Variants in TIMM23 observed in about 807,000 individuals in gnomAD.
TIMM23 encodes the protein mitochondrial import inner membrane translocase subunit Tim23.
In TIMM23, 19 loss-of-function variants were observed where a neutral mutation model predicts 30.7. The observed-to-expected ratio is 0.62, with a 90% CI of 0.43 to 0.91. The LOEUF is 0.91. Among genes scored for constraint, TIMM23 ranks in the 40% least tolerant of loss-of-function variants. The probability of loss-of-function intolerance (pLI) is 0.00; values close to 1 mark genes in which losing one functional copy is unlikely to be tolerated. For synonymous variants in TIMM23, 78 were observed against 98.5 expected, an observed-to-expected ratio of 0.79 and a Z score of 1.23; for missense variants, 202 against 269.2, an observed-to-expected ratio of 0.75 and a Z score of 1.75.
At chr10:45,994,375 T>C (rs1838263964) in intron 6 of TIMM23, among the ~76,000 whole-genome samples, 1 of 146,778 alleles carries the variant, frequency 6.8e-6, no homozygotes, top group Admixed American at 6.9e-5. Flanking sequence ...ATGAATAAAA[T>C]AAATTACTCT....
intron 6 of TIMM23, among the ~76,000 whole-genome samples, chr10:45,995,136 G>C (rs1590128291): frequency 6.6e-6 from 1 of 151,692 alleles, no homozygotes; most frequent in Non-Finnish European, 1.5e-5. Flanking sequence ...TAGAATTAAT[G>C]AGTATTCTTT....
intron 5 of TIMM23, among the ~76,000 whole-genome samples, chr10:45,987,122 G>T (rs1448236707): frequency 1.3e-5 from 2 of 151,780 alleles, no homozygotes; most frequent in African/African-American, 2.4e-5. Flanking sequence ...CTCTTGATGG[G>T]CATTTTATTT....
intron 2 of TIMM23, among the ~76,000 whole-genome samples, chr10:45,980,024 G>A: frequency 6.6e-6 from 1 of 151,192 alleles, no homozygotes; most frequent in Non-Finnish European, 1.5e-5. Context: ...AAAAACTTGT[G>A]AATTCATTCT....
chr10:46,003,264 A>T lies in TIMM23; in HGVS notation c.576A>T (p.Ala192=). 2 of 1,614,168 alleles carry T rather than the reference A, an allele frequency of 1.2e-6. No homozygotes were observed. The highest frequency in any genetic ancestry group is 1.7e-6 in the Non-Finnish European group (2 of 1,180,022). ...GACTAACACTTACCAGCCTCTATGC[A>T]CTATATAATAACTGGGAGCACATGA... ...LTGLTLTSLY[A]LYNNWEHMKG... The change falls in exon 7 of 7, where the codon GCA becomes GCT. Residue 192 remains alanine, a synonymous_variant. Transcript: ENST00000580018.
rs868930960 is a variant in TIMM23, at chr10:46,002,749, T to C, written c.515-454T>C. On this transcript the variant is annotated intron_variant, in intron 6 of 6. Coordinates refer to ENST00000580018, the MANE Select transcript of TIMM23 (RefSeq NM_006327.4). ...CACAAGTGGTATTACTTTAAAAACG[T>C]TGTCTCCTTTTTGAGATGGAATATT... 2.2e-4 allele frequency among the ~76,000 whole-genome samples: 26 copies of C among 118,812 alleles called. No homozygotes were observed. The Middle Eastern group carries it at 0.017, about 77-fold the overall frequency. The allele number at this position is 118,812 out of a possible 152,430, so 77.9% of individuals were successfully genotyped here.
In TIMM23 at chr10:45,972,724, G is replaced by T; in HGVS notation, c.100G>T (p.Val34Phe). The T allele has an allele frequency of 6.2e-7, 1 of 1,613,912 alleles. No individual in the cohort carries two copies. The highest frequency in any genetic ancestry group is 1.3e-5 in the African/African-American group (1 of 75,026). ...TTACTCGCACGCGGATTTGGCTGGC[G>T]TCCCGCGTAAGTATGGGGCCTAGCT... is the stretch of plus-strand genomic sequence containing the variant. Reference protein sequence around the residue: ...AGYSHADLAGVPLTGMNPLSP... With the variant: ...AGYSHADLAGFPLTGMNPLSP... The change falls in exon 1 of 7, where the codon GTC becomes TTC. Residue 34 changes from valine (V) to phenylalanine (F), a missense_variant. Coordinates refer to ENST00000580018, the MANE Select transcript of TIMM23 (RefSeq NM_006327.4).
chr10:45,981,956 A>G (rs1316652586), intron 2 of TIMM23, among the ~76,000 whole-genome samples: 3 of 152,122 alleles, frequency 2.0e-5, no homozygotes, highest in African/African-American at 4.8e-5. Context: ...TTCATGCCAC[A>G]TTTTGTGTAT....
At chr10:46,000,209 A>C (rs1554917438) in intron 6 of TIMM23, among the ~76,000 whole-genome samples, 1 of 152,228 alleles carries the variant, frequency 6.6e-6, no homozygotes, top group Non-Finnish European at 1.5e-5. Flanking sequence ...GGAAATCACA[A>C]GGGTATTGAT....
chr10:45,982,613 A>G lies in TIMM23; in HGVS notation c.256A>G (p.Thr86Ala), dbSNP rs1183441299. 3.1e-6 allele frequency: 5 copies of G among 1,613,936 alleles called. No homozygotes were observed. Among genetic ancestry groups the G allele is most frequent in the Non-Finnish European group, 4.2e-6 (5 of 1,179,858 alleles). ...CTTTACGATTGGAGGATGTTGCATG[A>G]CAGGTGAGTGTTACATACTTTTTTC... The part of the protein sequence containing the change: ...AFFTIGGCCM[T>A]GAAFGAMNGL... The change falls in exon 3 of 7, where the codon ACA (threonine) becomes GCA (alanine). Residue 86 changes from threonine (T) to alanine (A), a missense_variant. Transcript: ENST00000580018.
intron 4 of TIMM23, among the ~76,000 whole-genome samples, chr10:45,983,500 G>A (rs1395268666): frequency 6.6e-6 from 1 of 152,196 alleles, no homozygotes; most frequent in Non-Finnish European, 1.5e-5. Context: ...AAAAGGATCG[G>A]AAAGTATGTT....
At chr10:45,989,917 T>G (rs1343503301) in intron 6 of TIMM23, among the ~76,000 whole-genome samples, 1 of 152,224 alleles carries the variant, frequency 6.6e-6, no homozygotes, top group Non-Finnish European at 1.5e-5. Context: ...TTTTTATTTT[T>G]ATCAAAATAA....
chr10:45,994,870 A>G (rs1554916457), intron 6 of TIMM23, among the ~76,000 whole-genome samples: 1 of 152,164 alleles, frequency 6.6e-6, no homozygotes, highest in Non-Finnish European at 1.5e-5. Context: ...GCCTAAGGTC[A>G]TTTCCAAATC....
At chr10:45,996,149 C>G (rs1327888707) in intron 6 of TIMM23, among the ~76,000 whole-genome samples, 1 of 141,538 alleles carries the variant, frequency 7.1e-6, no homozygotes, top group Non-Finnish European at 1.5e-5. Flanking sequence ...ATCACAATGT[C>G]AGGAGATTGA....
intron 6 of TIMM23, among the ~76,000 whole-genome samples, chr10:45,991,264 T>G (rs1554915695): frequency 1.3e-5 from 2 of 152,136 alleles, no homozygotes. Flanking sequence ...AAAGCTAAAG[T>G]AAGAAGCTTA....
At chr10:45,998,234 A>G in intron 6 of TIMM23, 1 of 285,582 alleles carries the variant, frequency 3.5e-6, no homozygotes, top group Non-Finnish European at 5.3e-6. Flanking sequence ...TCTGTGCTTT[A>G]AAGTCATTGT....
intron 5 of TIMM23, among the ~76,000 whole-genome samples, chr10:45,988,236 CCCAGCAAGG>C (rs1838054609): frequency 3.3e-5 from 5 of 152,194 alleles, no homozygotes; most frequent in Admixed American, 3.3e-4. Flanking sequence ...GGCACAGAAA[CCCAGCAAGG>C]CCTGCCTGCC....
At chr10:45,976,317 A>AAAAC (rs1554913091) in intron 2 of TIMM23, among the ~76,000 whole-genome samples, 3,239 of 150,200 alleles carry the variant, frequency 0.022, 79 homozygotes, top group African/African-American at 0.074. Context: ...TAATGATTAT[A>AAAAC]AAAACAAACT....
In TIMM23 at chr10:45,982,622, T is replaced by C; in HGVS notation, c.259+6T>C. Reference sequence around the variant, plus strand: ...TGGAGGATGTTGCATGACAGGTGAGTGTTACATACTTTTTTCTCAAGAGTG... The same window carrying C: ...TGGAGGATGTTGCATGACAGGTGAGCGTTACATACTTTTTTCTCAAGAGTG... On this transcript the variant is annotated splice_donor_region_variant and intron_variant, in intron 3 of 6. Coordinates refer to ENST00000580018, the MANE Select transcript of TIMM23 (RefSeq NM_006327.4). 5 of 1,613,694 alleles carry C rather than the reference T, an allele frequency of 3.1e-6. No homozygotes were observed. Among genetic ancestry groups the C allele is most frequent in the Non-Finnish European group, 4.2e-6 (5 of 1,179,814 alleles).
intron 2 of TIMM23, among the ~76,000 whole-genome samples, chr10:45,980,950 T>C (rs1837824514): frequency 6.7e-6 from 1 of 149,468 alleles, no homozygotes; most frequent in South Asian, 2.1e-4. Flanking sequence ...TTTTCTTTTT[T>C]TTTTTTGGAG....
Sources: gnomAD v4.1 joint callset for allele counts (sites outside exome capture counted in the v4.1 genomes callset) on GRCh38, gnomAD v4.1.1 for gene constraint, MANE v1.5 for transcripts, NCBI Gene and HGNC (gene_info 2026-07-23, HGNC 2026-07-21) for gene names.